CARHSP1: variants seen among roughly 807,000 people sequenced by gnomAD.
CARHSP1 encodes the protein calcium regulated heat stable protein 1.
In CARHSP1, 14 loss-of-function variants were observed where a neutral mutation model predicts 12.5. The observed-to-expected ratio is 1.12, with a 90% CI of 0.74 to 1.75. CARHSP1 has a LOEUF of 1.75. CARHSP1 is among the 40% of genes most tolerant of loss of function. The pLI is 0.00. For synonymous variants in CARHSP1, 161 were observed against 82.0 expected (o/e 1.96, Z -5.20); for missense variants, 343 against 201.6 (o/e 1.70, Z -4.25).
At chr16:8,857,067 A>C (rs2061140721) in intron 3 of CARHSP1, among the ~76,000 whole-genome samples, 1 of 152,130 alleles carries the variant, frequency 6.6e-6, no homozygotes, top group African/African-American at 2.4e-5. Flanking sequence ...ACTGGTCCCC[A>C]GGCCAAACAG....
rs761712539 is a variant in CARHSP1, at chr16:8,855,119, C to T, written c.*45G>A. The T allele has an allele frequency of 1.4e-6, 2 of 1,447,442 alleles. No homozygotes were observed. Among genetic ancestry groups the T allele is most frequent in the Admixed American group, 2.3e-5 (1 of 43,952 alleles). The allele number at this position is 1,447,442 out of a possible 1,614,324, so 89.7% of individuals were successfully genotyped here. ...TCCAGTGTCTGCTGCCTCCTCCCTGCAAAGTCTCCCACAAGCACAGGACAA... is the reference window on the plus strand; with the variant it reads ...TCCAGTGTCTGCTGCCTCCTCCCTGTAAAGTCTCCCACAAGCACAGGACAA... On this transcript the variant is annotated 3_prime_UTR_variant, in exon 4 of 4. Transcript: ENST00000311052.
chr16:8,855,354 G>C, intron 3 of CARHSP1, 28 bp from the exon 4 acceptor site: 1 of 1,484,726 alleles, frequency 6.7e-7, no homozygotes, highest in Non-Finnish European at 9.0e-7. Flanking sequence ...AAGCAGTCAG[G>C]GCTCACACCG....
At chr16:8,866,445 T>G (rs2061456378) in intron 1 of CARHSP1, 2 of 985,214 alleles carry the variant, frequency 2.0e-6, no homozygotes, top group African/African-American at 3.5e-5. Flanking sequence ...GGTTCCTCCT[T>G]TGTAAACAGA....
Position 8,854,971 on chromosome 16 carries a change from G to T in CARHSP1, c.*193C>A. 1 of 480,396 alleles carries T rather than the reference G, an allele frequency of 2.1e-6. No homozygotes were observed. The highest frequency in any genetic ancestry group is 3.7e-6 in the Non-Finnish European group (1 of 270,308). The allele number at this position is 480,396 out of a possible 1,614,324, so 29.8% of individuals were successfully genotyped here. The stretch of plus-strand genomic sequence containing the variant: ...GTGAGAGGTTGTTGCAATGGTCATA[G>T]GCTGTGCTGATGGCCGGGAACACCC... On this transcript the variant is annotated 3_prime_UTR_variant, in exon 4 of 4. Transcript: ENST00000311052.
intron 2 of CARHSP1, 137 bp from the exon 3 acceptor site, chr16:8,858,609 G>A (rs1052348406): frequency 5.9e-5 from 63 of 1,069,306 alleles, no homozygotes; most frequent in Admixed American, 4.4e-4. Flanking sequence ...GCTGAGGACT[G>A]CACAACCCTC....
intron 1 of CARHSP1, chr16:8,860,330 T>C (rs1222047682): frequency 3.0e-6 from 3 of 985,258 alleles, no homozygotes; most frequent in Middle Eastern, 5.2e-4. Flanking sequence ...ATCAAATTCC[T>C]TCTGTGACCC....
At chr16:8,859,703 C>A (rs548781854) in intron 1 of CARHSP1, 5 of 168,876 alleles carry the variant, frequency 3.0e-5, no homozygotes, top group South Asian at 1.6e-4. Flanking sequence ...AGGGGCCGGG[C>A]GCAGTGGCTC....
intron 3 of CARHSP1, among the ~76,000 whole-genome samples, chr16:8,855,885 T>G (rs2061086705): frequency 6.6e-6 from 1 of 152,284 alleles, no homozygotes; most frequent in African/African-American, 2.4e-5. Context: ...TGCAGTGGTG[T>G]GATCTCAGCT....
rs769051321 is a variant in CARHSP1 at position 8,859,201 on chromosome 16, A to G, written c.128T>C (p.Leu43Pro). 6.2e-7 allele frequency: 1 copy of G among 1,602,810 alleles called. No individual in the cohort carries two copies. Residue 43 changes from leucine to proline, a missense_variant, in exon 2 of 4, where the codon CTG (leucine) becomes CCG (proline). Coordinates refer to ENST00000311052, the MANE Select transcript of CARHSP1 (RefSeq NM_014316.4). ...PLRGNVVPSP[L>P]PTRRTRTFSA... ...GAAGGTCCTCGTCCGGCGAGTGGGC[A>G]GTGGGCTTGGGACCACGTTGCCCCG... is the stretch of plus-strand genomic sequence containing the variant.
intron 1 of CARHSP1, chr16:8,861,676 TTC>T: frequency 1.6e-6 from 2 of 1,289,080 alleles, no homozygotes; most frequent in Non-Finnish European, 2.0e-6. Context: ...CTCCTGTCCC[TTC>T]TCTCAGCTAC....
At chr16:8,860,141 A>G (rs1293015835) in intron 1 of CARHSP1, 9 of 985,452 alleles carry the variant, frequency 9.1e-6, no homozygotes, top group Non-Finnish European at 1.1e-5. Flanking sequence ...ACTGTGGAAC[A>G]CGTCGCAGAG....
chr16:8,858,652 G>C, intron 2 of CARHSP1, 180 bp from the exon 3 acceptor site: 1 of 725,426 alleles, frequency 1.4e-6, no homozygotes, highest in Non-Finnish European at 2.2e-6. Flanking sequence ...GACGCTGGGG[G>C]AAAGGACTCT....
rs2061234538 is a variant in CARHSP1, at chr16:8,858,625, T to C, written c.159-153A>G. On this transcript the variant is annotated intron_variant, in intron 2 of 3. Coordinates refer to ENST00000311052, the MANE Select transcript of CARHSP1 (RefSeq NM_014316.4). ...CTGAGGACTGCACAACCCTCAACCCTGGGAGCCGCTCACAAAGACGCTGGG... is the reference window on the plus strand; with the variant it reads ...CTGAGGACTGCACAACCCTCAACCCCGGGAGCCGCTCACAAAGACGCTGGG... 5.5e-6 allele frequency: 5 copies of C among 904,228 alleles called. No individual in the cohort carries two copies. The South Asian group carries it at 9.3e-5, about 17-fold the overall frequency. 56.0% of individuals were successfully genotyped at this position (904,228 alleles called of 1,614,324 possible).
rs770951167 is a variant in CARHSP1, at chr16:8,855,233, C to A, written c.375G>T (p.Glu125Asp). ...PPKNEKLQAV[E>D]VVITHLAPGT... is the part of the protein sequence containing the mutation. ...CTGGTGCCAGGTGAGTGATGACGAC[C>A]TCCACGGCCTGCAGCTTCTCATTCT... is the stretch of plus-strand genomic sequence containing the variant. The change falls in exon 4 of 4, where the codon GAG (glutamate) becomes GAT (aspartate). Residue 125 changes from glutamate (E) to aspartate (D), a missense_variant. Coordinates refer to ENST00000311052, the MANE Select transcript of CARHSP1 (RefSeq NM_014316.4). The A allele has an allele frequency of 6.2e-6, 10 of 1,613,454 alleles. No homozygotes were observed. The highest frequency in any genetic ancestry group is 8.5e-6 in the Non-Finnish European group (10 of 1,179,616).
rs1324838783 is a variant in CARHSP1 at position 8,861,818 on chromosome 16, G to A, written c.-7-2483C>T. 19 of 1,198,124 alleles carry A rather than the reference G, an allele frequency of 1.6e-5. 1 individual carries two copies. The highest frequency in any genetic ancestry group is 4.5e-5 in the South Asian group (3 of 66,276). 74.2% of individuals were successfully genotyped at this position (1,198,124 alleles called of 1,614,324 possible). The stretch of plus-strand genomic sequence containing the variant: ...GTCATAGAGTCCTAGAATGTTCAAC[G>A]CCCAGAGTTCCAGGAAAGAGGCTGG... On this transcript the variant is annotated intron_variant, in intron 1 of 3. Transcript: ENST00000311052.
At chr16:8,866,850 G>A (rs1426941709) in intron 1 of CARHSP1, among the ~76,000 whole-genome samples, 2 of 152,120 alleles carry the variant, frequency 1.3e-5, no homozygotes, top group East Asian at 3.9e-4. Flanking sequence ...GGCGGGCAGG[G>A]AAGGTGCAGC....
At chr16:8,865,787 CAG>C (rs1248134455) in intron 1 of CARHSP1, among the ~76,000 whole-genome samples, 2 of 152,194 alleles carry the variant, frequency 1.3e-5, no homozygotes, top group African/African-American at 4.8e-5. Context: ...ATCGACCCAA[CAG>C]GGGAGGCACT....
At chr16:8,859,440 C>T (rs574126875) in intron 1 of CARHSP1, 105 bp from the exon 2 acceptor site, 9 of 1,001,822 alleles carry the variant, frequency 9.0e-6, no homozygotes, top group African/African-American at 3.2e-5. Flanking sequence ...GCTCATTCCT[C>T]TCGGGCACCT....
intron 3 of CARHSP1, chr16:8,858,022 CAA>C (rs1434649231): frequency 1.9e-5 from 5 of 262,488 alleles, no homozygotes; most frequent in Non-Finnish European, 3.7e-5. Flanking sequence ...CTCGGCCTCC[CAA>C]AGTGCTGGGA....
Sources: allele counts gnomAD v4.1 joint callset (sites outside exome capture counted in the v4.1 genomes callset), GRCh38; gene constraint gnomAD v4.1.1; transcripts MANE v1.5; gene names NCBI Gene and HGNC (gene_info 2026-07-23, HGNC 2026-07-21).